UNC13C: variants seen among roughly 807,000 people sequenced by gnomAD.
The protein encoded by UNC13C is unc-13 homolog C, also known as protein unc-13 homolog C.
UNC13C carries 174 observed loss-of-function variants against 245.4 expected under a neutral mutation model. That is an observed-to-expected ratio of 0.71 (90% CI 0.63 to 0.80). The LOEUF (loss-of-function observed/expected upper bound fraction) is 0.80, where lower values mean the gene tolerates loss of function less well. Among genes scored for constraint, UNC13C ranks in the 30% least tolerant of loss-of-function variants. The pLI is 0.00. For synonymous variants in UNC13C, 992 were observed against 895.1 expected (o/e 1.11, Z -1.93); for missense variants, 2,829 against 2,602.9 (o/e 1.09, Z -1.89).
chr15:54,236,497 T>TA, intron 6 of UNC13C, 62 bp downstream of exon 6: 1 of 1,308,780 alleles, frequency 7.6e-7, no homozygotes, highest in Non-Finnish European at 1.1e-6. Context: ...ACACTGCACT[T>TA]ACTCATGGGG....
intron 14 of UNC13C, among the ~76,000 whole-genome samples, chr15:54,327,958 G>T (rs994614485): frequency 6.6e-6 from 1 of 152,028 alleles, no homozygotes; most frequent in African/African-American, 2.4e-5. Context: ...GGCAGAAAAA[G>T]AATTTACTGT....
chr15:54,121,333 A>AT (rs1465298704), intron 2 of UNC13C, among the ~76,000 whole-genome samples: 5 of 152,162 alleles, frequency 3.3e-5, no homozygotes, highest in African/African-American at 1.2e-4. Context: ...GATTGTTAGT[A>AT]TTTTTAGCAA....
At chr15:54,450,415 C>T (rs1189174922) in intron 19 of UNC13C, among the ~76,000 whole-genome samples, 1 of 152,208 alleles carries the variant, frequency 6.6e-6, no homozygotes, top group Non-Finnish European at 1.5e-5. Flanking sequence ...GTGGTGGGCT[C>T]CACCCAGTTC....
chr15:54,234,532 T>C lies in UNC13C; in HGVS notation c.3072-498T>C, dbSNP rs115973580. 1.9e-3 allele frequency among the ~76,000 whole-genome samples: 293 copies of C among 152,324 alleles called. 2 individuals are homozygous for C. Among genetic ancestry groups the C allele is most frequent in the African/African-American group, 6.6e-3 (276 of 41,574 alleles). On this transcript the variant is annotated intron_variant, in intron 4 of 32. Coordinates refer to ENST00000260323, the MANE Select transcript of UNC13C (RefSeq NM_001080534.3). Reference sequence around the variant, plus strand: ...ATTCAGATAAGGGGAACTTGCGGTATAAGGGTAATTACCAATATCTTAAAT... The same window carrying C: ...ATTCAGATAAGGGGAACTTGCGGTACAAGGGTAATTACCAATATCTTAAAT...
intron 26 of UNC13C, among the ~76,000 whole-genome samples, chr15:54,544,969 A>C (rs148334981): frequency 0.033 from 4,965 of 152,284 alleles, 218 homozygotes; most frequent in African/African-American, 0.1. Flanking sequence ...TATGGAATCA[A>C]AAAAGAGCCT....
At chr15:54,458,026 C>A (rs570274890) in intron 19 of UNC13C, among the ~76,000 whole-genome samples, 23 of 151,292 alleles carry the variant, frequency 1.5e-4, no homozygotes, top group African/African-American at 5.3e-4. Flanking sequence ...GGCATTTAAG[C>A]TATTAACGTT....
chr15:54,072,031 C>A (rs1411133421), intron 2 of UNC13C, among the ~76,000 whole-genome samples: 1 of 152,174 alleles, frequency 6.6e-6, no homozygotes, highest in African/African-American at 2.4e-5. Flanking sequence ...CTACTGCCAT[C>A]TGGGACATCC....
chr15:54,113,652 C>T (rs1012886451), intron 2 of UNC13C, among the ~76,000 whole-genome samples: 2 of 151,988 alleles, frequency 1.3e-5, no homozygotes, highest in Admixed American at 6.6e-5. Flanking sequence ...CTGTGAAACC[C>T]CGTCTCTACT....
At chr15:54,463,233 TC>T (rs1362162905) in intron 19 of UNC13C, among the ~76,000 whole-genome samples, 3 of 96,868 alleles carry the variant, frequency 3.1e-5, no homozygotes, top group Non-Finnish European at 5.8e-5. Flanking sequence ...CAATCGGCTC[TC>T]AGTAAAATGG....
chr15:54,105,580 T>G (rs1243905687), intron 2 of UNC13C, among the ~76,000 whole-genome samples: 1 of 152,178 alleles, frequency 6.6e-6, no homozygotes, highest in East Asian at 1.9e-4. Flanking sequence ...ATGTTGCATT[T>G]TAAGGTCTCA....
intron 17 of UNC13C, among the ~76,000 whole-genome samples, chr15:54,351,719 G>A (rs750768962): frequency 5.3e-5 from 8 of 151,916 alleles, no homozygotes; most frequent in Non-Finnish European, 8.8e-5. Flanking sequence ...CCAACCTAAC[G>A]CTTCACATAT....
chr15:54,576,682 C>T (rs1358085196), intron 30 of UNC13C, among the ~76,000 whole-genome samples: 1 of 152,164 alleles, frequency 6.6e-6, no homozygotes, highest in Admixed American at 6.5e-5. Flanking sequence ...TAGGACATTG[C>T]TGCATTGCTC....
chr15:54,162,624 A>G (rs2141269394), intron 4 of UNC13C, among the ~76,000 whole-genome samples: 1 of 152,364 alleles, frequency 6.6e-6, no homozygotes, highest in Non-Finnish European at 1.5e-5. Flanking sequence ...GACCAGCTCC[A>G]GGAAATAGAC....
intron 30 of UNC13C, among the ~76,000 whole-genome samples, chr15:54,620,957 C>T (rs572094304): frequency 2.0e-4 from 30 of 152,212 alleles, no homozygotes; most frequent in South Asian, 8.3e-4. Flanking sequence ...ATCTGTACTT[C>T]AGTGGTGAGG....
intron 17 of UNC13C, among the ~76,000 whole-genome samples, chr15:54,343,550 A>G (rs150982086): frequency 6.6e-6 from 1 of 152,332 alleles, no homozygotes; most frequent in African/African-American, 2.4e-5. Flanking sequence ...AATTTCCATG[A>G]ATCAGCCATC....
chr15:54,038,444 T>A (rs940479705), intron 2 of UNC13C, among the ~76,000 whole-genome samples: 1 of 152,120 alleles, frequency 6.6e-6, no homozygotes, highest in African/African-American at 2.4e-5. Context: ...CATTTGTATA[T>A]CTTATTCTGT....
At chr15:53,875,487 G>T in the UNC13C span, among the ~76,000 whole-genome samples, 878 of 152,244 alleles carry the variant, frequency 5.8e-3, 4 homozygotes, top group African/African-American at 0.02. Flanking sequence ...GCAGGAGGTT[G>T]CTGGTAAGGT....
rs538094929 is a variant in UNC13C at position 54,438,254 on chromosome 15, G to T, written c.4933+23187G>T. Among the ~76,000 whole-genome samples the T allele has an allele frequency of 7.2e-5, 11 of 151,942 alleles. No homozygotes were observed. In the South Asian group the frequency reaches 2.3e-3, roughly 31 times the overall value. On this transcript the variant is annotated intron_variant, in intron 19 of 32. Coordinates refer to ENST00000260323, the MANE Select transcript of UNC13C (RefSeq NM_001080534.3). ...GTGACTGCATCCTTCCAAACTCAAT[G>T]GATTCTCTGAAGCGTGTCTTCTAAT...
intron 29 of UNC13C, among the ~76,000 whole-genome samples, chr15:54,563,554 C>T (rs540719026): frequency 6.6e-6 from 1 of 151,880 alleles, no homozygotes; most frequent in Non-Finnish European, 1.5e-5. Flanking sequence ...TACAAGAAAC[C>T]AAGTCTTGGT....
Sources: gnomAD v4.1 joint callset for allele counts (sites outside exome capture counted in the v4.1 genomes callset) on GRCh38, gnomAD v4.1.1 for gene constraint, MANE v1.5 for transcripts, NCBI Gene and HGNC (gene_info 2026-07-23, HGNC 2026-07-21) for gene names.